The following PTPN9 variants were observed in gnomAD, a reference collection of about 807,000 sequenced individuals.
PTPN9 encodes tyrosine-protein phosphatase non-receptor type 9.
A neutral mutation model predicts 69.8 loss-of-function variants in PTPN9; 26 were observed. The observed-to-expected ratio is 0.37, with a 90% confidence interval of 0.27 to 0.52. PTPN9 has a LOEUF of 0.52. Among genes scored for constraint, PTPN9 ranks in the 20% least tolerant of loss-of-function variants. The pLI, the probability that PTPN9 is intolerant of heterozygous loss-of-function variation, is 0.91. For synonymous variants in PTPN9, 274 were observed against 272.5 expected (o/e 1.01, Z -0.05); for missense variants, 549 against 740.3 (o/e 0.74, Z 3.00).
intron 1 of PTPN9, among the ~76,000 whole-genome samples, chr15:75,539,113 G>A (rs939525193): frequency 4.6e-5 from 7 of 152,084 alleles, no homozygotes; most frequent in Non-Finnish European, 8.8e-5. Context: ...TTGGCCGGGC[G>A]TGGTGGCTCA....
In PTPN9 at chr15:75,514,316, C is replaced by T. The variant is rs12592026; in HGVS notation, c.528+2943G>A. 8.1e-3 allele frequency among the ~76,000 whole-genome samples: 1,239 copies of T among 152,164 alleles called. 33 individuals are homozygous for T. The East Asian group carries it at 0.1, about 13-fold the overall frequency. On this transcript the variant is annotated intron_variant, in intron 5 of 12. Coordinates refer to ENST00000618819, the MANE Select transcript of PTPN9 (RefSeq NM_002833.4). ...GCTGTGGGTCGGGCACAGTGGTTCA[C>T]GCCTGTAATCCCAGCACTTTGGGAG...
At chr15:75,527,288 T>C (rs1241532710) in intron 1 of PTPN9, 27 bp from the exon 2 acceptor site, 1 of 1,611,694 alleles carries the variant, frequency 6.2e-7, no homozygotes, top group African/African-American at 1.3e-5. Context: ...GAAAGAATAA[T>C]TAGTAAGAAG....
intron 1 of PTPN9, among the ~76,000 whole-genome samples, chr15:75,552,756 T>C (rs7163907): frequency 0.33 from 48,603 of 147,780 alleles, 9,152 homozygotes; most frequent in African/African-American, 0.5. Flanking sequence ...GCACCTAGGC[T>C]GTCTTCAGTT....
intron 6 of PTPN9, among the ~76,000 whole-genome samples, chr15:75,508,060 A>AAAG (rs1307291072): frequency 3.3e-5 from 5 of 151,308 alleles, no homozygotes; most frequent in African/African-American, 1.2e-4. Flanking sequence ...AAAAAAAAAA[A>AAAG]AAAAGAAAAG....
Position 75,527,223 on chromosome 15 carries a change from T to C in PTPN9, c.102A>G (p.Thr34=). The C allele has an allele frequency of 6.2e-7, 1 of 1,614,144 alleles. No homozygotes were observed. The highest frequency in any genetic ancestry group is 1.3e-5 in the African/African-American group (1 of 75,042). ...ACAGCGGGGAAACATTGTACTGAAC[T>C]GTCCACTTGTTAATCTCTTCGAGAA... ...KQFLEEINKW[T]VQYNVSPLSW... The change falls in exon 2 of 13, where the codon ACA becomes ACG. Residue 34 remains threonine, a synonymous_variant. Transcript: ENST00000618819.
At chr15:75,535,288 G>A (rs907775174) in intron 1 of PTPN9, among the ~76,000 whole-genome samples, 3 of 152,098 alleles carry the variant, frequency 2.0e-5, no homozygotes, top group Admixed American at 1.3e-4. Flanking sequence ...GAGCCACCGC[G>A]CCCGGCCTCA....
At chr15:75,490,372 C>T (rs1446045261) in intron 7 of PTPN9, 71 bp from the exon 8 acceptor site, 9 of 1,088,734 alleles carry the variant, frequency 8.3e-6, no homozygotes, top group Non-Finnish European at 1.1e-5. Context: ...AAAATCTGAC[C>T]ATGCTAAAGG....
At chr15:75,491,457 A>AGT (rs1019102397) in intron 7 of PTPN9, among the ~76,000 whole-genome samples, 35 of 151,980 alleles carry the variant, frequency 2.3e-4, no homozygotes, top group Admixed American at 5.3e-4. Flanking sequence ...TGGGGATGGG[A>AGT]GTCCCAAATG....
Position 75,535,058 on chromosome 15 carries a change from G to C in PTPN9, c.64-7797C>G, listed in dbSNP as rs987312825. On this transcript the variant is annotated intron_variant, in intron 1 of 12. Coordinates refer to ENST00000618819, the MANE Select transcript of PTPN9 (RefSeq NM_002833.4). ...GTTGCCCAGGCTGGAGTGCAGTGGC[G>C]TGATCTCGGCTCACTGCAAGCTCCG... Among the ~76,000 whole-genome samples the C allele has an allele frequency of 7.3e-5, 11 of 151,292 alleles. No individual in the cohort carries two copies. The East Asian group carries it at 1.8e-3, about 24-fold the overall frequency.
chr15:75,529,453 CTTAT>C (rs2074945466), intron 1 of PTPN9, among the ~76,000 whole-genome samples: 1 of 152,132 alleles, frequency 6.6e-6, no homozygotes, highest in Admixed American at 6.6e-5. Flanking sequence ...ACAGTTATGA[CTTAT>C]TTATTCATAT....
chr15:75,576,533 G>T (rs761482844), intron 1 of PTPN9, among the ~76,000 whole-genome samples: 1 of 151,470 alleles, frequency 6.6e-6, no homozygotes, highest in Non-Finnish European at 1.5e-5. Context: ...ACTCCGGCCA[G>T]GCGCAGTAAC....
chr15:75,578,750 G>C lies in PTPN9; in HGVS notation c.27C>G (p.Pro9=), dbSNP rs1054527224. MEPATAPR[P]DMAPELTPEE... The stretch of plus-strand genomic sequence containing the variant: ...CCGGGGTCAGCTCCGGCGCCATGTC[G>C]GGCCGGGGCGCGGTCGCGGGCTCCA... The change falls in exon 1 of 13, where the codon CCC becomes CCG. Residue 9 remains proline (P), a synonymous_variant. Transcript: ENST00000618819. The C allele has an allele frequency of 3.1e-6, 4 of 1,300,726 alleles. No homozygotes were observed. The highest frequency in any genetic ancestry group is 3.9e-6 in the Non-Finnish European group (4 of 1,025,494). 80.6% of individuals were successfully genotyped at this position (1,300,726 alleles called of 1,614,324 possible).
intron 7 of PTPN9, among the ~76,000 whole-genome samples, chr15:75,501,464 C>CTT (rs745478766): frequency 8.2e-5 from 10 of 122,160 alleles, no homozygotes; most frequent in Admixed American, 5.1e-4. Context: ...TTCTTTCTTT[C>CTT]TTTTTTTTTT....
chr15:75,576,871 T>A (rs1241462403), intron 1 of PTPN9, among the ~76,000 whole-genome samples: 1 of 152,130 alleles, frequency 6.6e-6, no homozygotes, highest in Non-Finnish European at 1.5e-5. Flanking sequence ...AGTACTCTTA[T>A]GTGATATTAA....
chr15:75,494,000 T>C (rs192353250), intron 7 of PTPN9, among the ~76,000 whole-genome samples: 52 of 152,014 alleles, frequency 3.4e-4, no homozygotes, highest in Admixed American at 6.6e-4. Flanking sequence ...TATTGGAACA[T>C]AGTCAAGCTC....
intron 8 of PTPN9, among the ~76,000 whole-genome samples, chr15:75,481,720 C>G (rs1483061897): frequency 9.0e-5 from 2 of 22,200 alleles, no homozygotes; most frequent in Admixed American, 5.7e-4. Context: ...TCAGCCCCCC[C>G]GCCCAGCCAG....
Position 75,542,532 on chromosome 15 carries a change from T to C in PTPN9, c.64-15271A>G, listed in dbSNP as rs374447274. On this transcript the variant is annotated intron_variant, in intron 1 of 12. Coordinates refer to ENST00000618819, the MANE Select transcript of PTPN9 (RefSeq NM_002833.4). ...GAAACCAGGGTTGACCAAGTGAAGTTTCCCATCTGAGTCCAAAGCTTCAGG... is the reference window on the plus strand; with the variant it reads ...GAAACCAGGGTTGACCAAGTGAAGTCTCCCATCTGAGTCCAAAGCTTCAGG... Among the ~76,000 whole-genome samples the C allele has an allele frequency of 3.3e-5, 5 of 152,210 alleles. No individual in the cohort carries two copies. In the East Asian group the frequency reaches 9.6e-4, roughly 29 times the overall value.
At chr15:75,519,643 T>C (rs1388359677) in intron 4 of PTPN9, among the ~76,000 whole-genome samples, 1 of 151,734 alleles carries the variant, frequency 6.6e-6, no homozygotes, top group African/African-American at 2.4e-5. Flanking sequence ...TACTTATTTT[T>C]TAATTTTTAG....
chr15:75,560,685 AAC>A (rs900751125), intron 1 of PTPN9, among the ~76,000 whole-genome samples: 2 of 152,164 alleles, frequency 1.3e-5, no homozygotes, highest in Non-Finnish European at 2.9e-5. Context: ...CAGCCTGGGC[AAC>A]ACAGTGAGAC....
Sources: allele counts gnomAD v4.1 joint callset (sites outside exome capture counted in the v4.1 genomes callset), GRCh38; gene constraint gnomAD v4.1.1; transcripts MANE v1.5; gene names NCBI Gene and HGNC (gene_info 2026-07-23, HGNC 2026-07-21).